ATM: variants seen among roughly 807,000 people sequenced by gnomAD.
ATM encodes the protein ATM serine/threonine kinase, also known as serine-protein kinase ATM.
In ATM, 308 loss-of-function variants were observed where a neutral mutation model predicts 387.0. The observed-to-expected ratio is 0.80, with a 90% confidence interval of 0.73 to 0.87. The LOEUF (loss-of-function observed/expected upper bound fraction) is 0.87, where lower values mean the gene tolerates loss of function less well. Ranked by LOEUF, ATM falls within the 40% of genes least tolerant of loss-of-function variation. The pLI, the probability that ATM is intolerant of heterozygous loss-of-function variation, is 0.00. For missense variants in ATM, 3,312 were observed against 3,560.9 expected, an observed-to-expected ratio of 0.93 and a Z score of 1.78; for synonymous variants, 1,156 against 1,187.3, an observed-to-expected ratio of 0.97 and a Z score of 0.54.
chr11:108,270,500 ACT>A (rs1054819559), intron 18 of ATM, among the ~76,000 whole-genome samples: 2 of 151,932 alleles, frequency 1.3e-5, no homozygotes, highest in Non-Finnish European at 2.9e-5. Flanking sequence ...ATATATCTTC[ACT>A]CTACTGATGA....
At chr11:108,349,575 A>C (rs959063245) in intron 59 of ATM, among the ~76,000 whole-genome samples, 1 of 152,182 alleles carries the variant, frequency 6.6e-6, no homozygotes, top group African/African-American at 2.4e-5. Flanking sequence ...AGGCAGGAGA[A>C]TCACTTGAAC....
In ATM at chr11:108,325,404, A is replaced by G. The variant is rs1028293945; in HGVS notation, c.6667A>G (p.Ile2223Val). 1.9e-6 allele frequency: 3 copies of G among 1,613,840 alleles called. No individual in the cohort carries two copies. The highest frequency in any genetic ancestry group is 1.7e-5 in the Admixed American group (1 of 60,012). ...CAGTGATTTTAGTTTTCAGGAGCCTATCATGGCTCTACGCACAGTCATTTT... is the reference window on the plus strand; with the variant it reads ...CAGTGATTTTAGTTTTCAGGAGCCTGTCATGGCTCTACGCACAGTCATTTT... ...KDSDFSFQEP[I>V]MALRTVILEI... The change falls in exon 46 of 63, where the codon ATC becomes GTC. Residue 2223 changes from isoleucine (I) to valine (V), a missense_variant. This residue lies in a region of ATM where 1,405 missense variants were observed against 1,604.4 expected (regional missense o/e 0.88). Coordinates refer to ENST00000675843, the MANE Select transcript of ATM (RefSeq NM_000051.4).
intron 29 of ATM, 89 bp from the exon 30 acceptor site, chr11:108,292,530 C>A (rs2082849622): frequency 6.9e-7 from 1 of 1,452,650 alleles, no homozygotes; most frequent in Non-Finnish European, 9.6e-7. Context: ...ATTAGAGATG[C>A]TGAACAAAAG....
At chr11:108,295,112 T>G in intron 32 of ATM, 53 bp downstream of exon 32, 1 of 1,608,144 alleles carries the variant, frequency 6.2e-7, no homozygotes, top group Non-Finnish European at 8.5e-7. Context: ...TTTGAAAGAA[T>G]ATTTTGCAAA....
At chr11:108,346,058 A>G in intron 58 of ATM, 150 bp downstream of exon 58, 7 of 843,474 alleles carry the variant, frequency 8.3e-6, no homozygotes, top group African/African-American at 1.7e-5. Flanking sequence ...TTATTAAATC[A>G]TATGTTTCTT....
At chr11:108,233,483 T>G (rs1474110117) in intron 4 of ATM, among the ~76,000 whole-genome samples, 2 of 150,422 alleles carry the variant, frequency 1.3e-5, no homozygotes, top group African/African-American at 4.9e-5. Flanking sequence ...GGAGGAAGAT[T>G]GCTTGAGCCC....
chr11:108,224,738 A>T (rs2078655587), intron 1 of ATM: 1 of 152,086 alleles, frequency 6.6e-6, no homozygotes, highest in Admixed American at 6.5e-5. Context: ...ATCTAAAATG[A>T]TTCTCTCTAC....
intron 30 of ATM, 41 bp from the exon 31 acceptor site, chr11:108,293,272 A>G (rs1591676491): frequency 1.6e-6 from 2 of 1,253,870 alleles, no homozygotes; most frequent in East Asian, 2.6e-5. Context: ...CTTTAAAATT[A>G]TTTCTCTCCT....
chr11:108,275,100 G>A (rs1190549197), intron 22 of ATM, among the ~76,000 whole-genome samples: 1 of 152,188 alleles, frequency 6.6e-6, no homozygotes, highest in Admixed American at 6.5e-5. Context: ...TTGTTGCATT[G>A]ATCCTTATAC....
At chr11:108,350,906 A>G (rs553066765) in intron 59 of ATM, among the ~76,000 whole-genome samples, 9 of 152,222 alleles carry the variant, frequency 5.9e-5, no homozygotes, top group Non-Finnish European at 1.2e-4. Context: ...GACTTTATGT[A>G]TATCCTGTGA....
intron 16 of ATM, among the ~76,000 whole-genome samples, chr11:108,260,802 G>A (rs527999373): frequency 9.8e-5 from 15 of 152,352 alleles, no homozygotes; most frequent in Admixed American, 2.0e-4. Context: ...GCGAGCCGAA[G>A]CAGGGCGAGG....
At chr11:108,316,411 A>G (rs748211140) in intron 42 of ATM, among the ~76,000 whole-genome samples, 1 of 152,202 alleles carries the variant, frequency 6.6e-6, no homozygotes, top group Non-Finnish European at 1.5e-5. Flanking sequence ...TCGAGCATAT[A>G]CAATGTGCCA....
At chr11:108,352,509 A>T (rs1261229758) in intron 59 of ATM, among the ~76,000 whole-genome samples, 1 of 152,232 alleles carries the variant, frequency 6.6e-6, no homozygotes, top group East Asian at 1.9e-4. Flanking sequence ...TTCAGCATCT[A>T]GGGCTAAACA....
intron 53 of ATM, 53 bp downstream of exon 53, chr11:108,332,953 A>G: frequency 6.3e-7 from 1 of 1,576,976 alleles, no homozygotes; most frequent in Non-Finnish European, 8.6e-7. Context: ...TACTCTCTGT[A>G]GAGATATATT....
At chr11:108,309,055 G>T in intron 38 of ATM, 1 of 1,509,398 alleles carries the variant, frequency 6.6e-7, no homozygotes, top group Admixed American at 2.0e-5. Flanking sequence ...TGCTGAATAA[G>T]ATCCTGAAGA....
intron 5 of ATM, among the ~76,000 whole-genome samples, chr11:108,236,777 C>G (rs957428766): frequency 6.6e-6 from 1 of 152,070 alleles, no homozygotes; most frequent in South Asian, 2.1e-4. Context: ...GTGTTGTTTC[C>G]TGTTTATAGC....
chr11:108,326,838 T>C (rs1389088771), intron 47 of ATM, among the ~76,000 whole-genome samples: 1 of 152,166 alleles, frequency 6.6e-6, no homozygotes, highest in African/African-American at 2.4e-5. Flanking sequence ...TATTTATTTA[T>C]TTTTTGAGAC....
intron 12 of ATM, among the ~76,000 whole-genome samples, 158 bp downstream of exon 12, chr11:108,253,070 G>A (rs1177294863): frequency 6.6e-6 from 1 of 152,108 alleles, no homozygotes; most frequent in East Asian, 1.9e-4. Context: ...TTTTAATTCA[G>A]TGATTGTAAT....
chr11:108,316,195 GC>G (rs1256324904), intron 42 of ATM, 82 bp downstream of exon 42: 30 of 1,269,720 alleles, frequency 2.4e-5, no homozygotes, highest in Non-Finnish European at 3.2e-5. Flanking sequence ...TATTTACACA[GC>G]CAGATAAACT....
Sources: allele counts gnomAD v4.1 joint callset (sites outside exome capture counted in the v4.1 genomes callset), GRCh38; gene constraint gnomAD v4.1.1; regional missense constraint gnomAD v4.1.1; transcripts MANE v1.5; gene names NCBI Gene and HGNC (gene_info 2026-07-23, HGNC 2026-07-21).